Variants in AGBL4 observed in about 807,000 individuals in gnomAD.
The protein encoded by AGBL4 is cytosolic carboxypeptidase 6.
Under a neutral mutation model 66.4 loss-of-function variants are expected in AGBL4, and 58 were observed. The observed-to-expected ratio is 0.87, with a 90% CI of 0.71 to 1.09. AGBL4 has a LOEUF of 1.09. Ranked by LOEUF, AGBL4 falls within the 50% of genes least tolerant of loss-of-function variation. The pLI, the probability that AGBL4 is intolerant of heterozygous loss-of-function variation, is 0.00. For synonymous variants in AGBL4, 234 were observed against 222.9 expected, an observed-to-expected ratio of 1.05 and a Z score of -0.44; for missense variants, 579 against 631.0, an observed-to-expected ratio of 0.92 and a Z score of 0.88.
In AGBL4 at chr1:49,803,060, A is replaced by G. The variant is rs1571600962; in HGVS notation, c.157+48336T>C. 2.0e-5 allele frequency among the ~76,000 whole-genome samples: 3 copies of G among 150,872 alleles called. 1 individual carries two copies. The highest frequency in any genetic ancestry group is 7.3e-5 in the African/African-American group (3 of 41,306). On this transcript the variant is annotated intron_variant, in intron 2 of 13. Transcript: ENST00000371839. Reference sequence around the variant, plus strand: ...AAGTTAAATATATGATATATAAGTTATATATGTATTATATATAGCTTATGA... The same window carrying G: ...AAGTTAAATATATGATATATAAGTTGTATATGTATTATATATAGCTTATGA...
At chr1:48,863,498 A>T (rs1415616300) in intron 6 of AGBL4, among the ~76,000 whole-genome samples, 1 of 152,036 alleles carries the variant, frequency 6.6e-6, no homozygotes, top group Non-Finnish European at 1.5e-5. Context: ...GTTGCTTTCA[A>T]AAGATAAGCA....
At chr1:48,892,225 C>T (rs982865909) in intron 5 of AGBL4, among the ~76,000 whole-genome samples, 1 of 152,194 alleles carries the variant, frequency 6.6e-6, no homozygotes, top group African/African-American at 2.4e-5. Context: ...ACATGGCATT[C>T]TCTCTGACTG....
chr1:49,303,944 G>T (rs1456384990), intron 3 of AGBL4, among the ~76,000 whole-genome samples: 1 of 152,114 alleles, frequency 6.6e-6, no homozygotes, highest in East Asian at 1.9e-4. Flanking sequence ...TGTTCACTCT[G>T]GTGATAGTTT....
At chr1:49,732,090 C>A (rs1208552934) in intron 2 of AGBL4, among the ~76,000 whole-genome samples, 3 of 152,098 alleles carry the variant, frequency 2.0e-5, no homozygotes, top group African/African-American at 7.2e-5. Context: ...ATGACCACTT[C>A]CAGGGGTATT....
intron 3 of AGBL4, among the ~76,000 whole-genome samples, chr1:49,634,581 T>C (rs1010151541): frequency 6.6e-6 from 1 of 152,184 alleles, no homozygotes; most frequent in Non-Finnish European, 1.5e-5. Flanking sequence ...ATATACCCAG[T>C]AATGGGATTG....
intron 5 of AGBL4, among the ~76,000 whole-genome samples, chr1:48,923,521 C>A (rs908883043): frequency 6.6e-6 from 1 of 152,194 alleles, no homozygotes; most frequent in African/African-American, 2.4e-5. Flanking sequence ...TAAAAGTAAT[C>A]TTGACTGTTT....
intron 9 of AGBL4, among the ~76,000 whole-genome samples, chr1:48,596,881 C>T (rs552614677): frequency 1.3e-5 from 2 of 152,270 alleles, no homozygotes; most frequent in East Asian, 3.9e-4. Context: ...AAGAAAGGAA[C>T]AACCACGTAA....
chr1:49,422,063 T>TA (rs1259573105), intron 3 of AGBL4, among the ~76,000 whole-genome samples: 1 of 152,242 alleles, frequency 6.6e-6, no homozygotes, highest in East Asian at 1.9e-4. Context: ...CTTATGTAGA[T>TA]AGACTTTGGT....
chr1:49,339,360 T>C (rs917346619), intron 3 of AGBL4, among the ~76,000 whole-genome samples: 1 of 152,178 alleles, frequency 6.6e-6, no homozygotes, highest in African/African-American at 2.4e-5. Context: ...GTTTTCAGAG[T>C]GTGCCCTATA....
chr1:48,574,822 T>C (rs1475925846), intron 11 of AGBL4, among the ~76,000 whole-genome samples: 1 of 152,136 alleles, frequency 6.6e-6, no homozygotes, highest in Non-Finnish European at 1.5e-5. Flanking sequence ...AGGAAAATAT[T>C]GATGGATAAG....
At chr1:49,632,594 C>T (rs1398225946) in intron 3 of AGBL4, among the ~76,000 whole-genome samples, 1 of 152,140 alleles carries the variant, frequency 6.6e-6, no homozygotes, top group Non-Finnish European at 1.5e-5. Flanking sequence ...CAGACATCAT[C>T]TTTAGCTCTC....
At chr1:49,815,035 C>A (rs756879112) in intron 2 of AGBL4, among the ~76,000 whole-genome samples, 2 of 152,126 alleles carry the variant, frequency 1.3e-5, no homozygotes, top group Admixed American at 6.6e-5. Flanking sequence ...CAATTATACT[C>A]TTTTAGTTAT....
intron 8 of AGBL4, among the ~76,000 whole-genome samples, chr1:48,641,063 G>A (rs893425118): frequency 2.0e-5 from 3 of 152,142 alleles, no homozygotes; most frequent in African/African-American, 7.2e-5. Flanking sequence ...AAGCAGAGAT[G>A]TATGAGGTAT....
chr1:49,959,226 A>G (rs2148340011), intron 1 of AGBL4, among the ~76,000 whole-genome samples: 1 of 152,146 alleles, frequency 6.6e-6, no homozygotes, highest in African/African-American at 2.4e-5. Flanking sequence ...CATGGCAGAT[A>G]GTTTTATCAG....
At chr1:49,911,238 C>T (rs966935760) in intron 1 of AGBL4, among the ~76,000 whole-genome samples, 4 of 152,092 alleles carry the variant, frequency 2.6e-5, no homozygotes, top group Non-Finnish European at 5.9e-5. Flanking sequence ...GAGCTGGACT[C>T]GCGAGCCTTT....
intron 6 of AGBL4, among the ~76,000 whole-genome samples, chr1:48,733,712 T>C (rs573010281): frequency 1.9e-4 from 29 of 152,286 alleles, no homozygotes; most frequent in Non-Finnish European, 3.7e-4. Flanking sequence ...TAAGATGATT[T>C]CAGCTTAGTT....
At chr1:49,510,945 C>A (rs1211429293) in intron 3 of AGBL4, among the ~76,000 whole-genome samples, 2 of 150,786 alleles carry the variant, frequency 1.3e-5, no homozygotes, top group Non-Finnish European at 3.0e-5. Flanking sequence ...TGATCTATAT[C>A]TCTGTTTTGG....
chr1:49,470,366 C>G (rs1160678589), intron 3 of AGBL4, among the ~76,000 whole-genome samples: 2 of 151,958 alleles, frequency 1.3e-5, no homozygotes, highest in Non-Finnish European at 2.9e-5. Context: ...AAGATATGCA[C>G]TATTTGAGAG....
At chr1:49,102,710 G>C (rs1229047415) in intron 4 of AGBL4, among the ~76,000 whole-genome samples, 4 of 152,152 alleles carry the variant, frequency 2.6e-5, no homozygotes, top group Admixed American at 2.6e-4. Context: ...CCCCTGTGAA[G>C]TAGATAGCAG....
Sources: gnomAD v4.1 joint callset for allele counts (sites outside exome capture counted in the v4.1 genomes callset) on GRCh38, gnomAD v4.1.1 for gene constraint, MANE v1.5 for transcripts, NCBI Gene and HGNC (gene_info 2026-07-23, HGNC 2026-07-21) for gene names.